Variants in KITLG observed in about 807,000 individuals in gnomAD.
KITLG encodes the protein KIT ligand.
Under a neutral mutation model 34.1 loss-of-function variants are expected in KITLG, and 13 were observed. The observed-to-expected ratio is 0.38, with a 90% CI of 0.25 to 0.61. The LOEUF (loss-of-function observed/expected upper bound fraction) is 0.61. KITLG is among the 20% of genes least tolerant of loss of function. The probability of loss-of-function intolerance (pLI) is 0.60; values close to 1 mark genes in which losing one functional copy is unlikely to be tolerated. For missense variants in KITLG, 292 were observed against 318.9 expected (o/e 0.92, Z 0.64); for synonymous variants, 110 against 104.0 (o/e 1.06, Z -0.35).
chr12:88,555,005 G>A (rs1224585739), intron 1 of KITLG, among the ~76,000 whole-genome samples: 1 of 152,170 alleles, frequency 6.6e-6, no homozygotes, highest in Admixed American at 6.5e-5. Flanking sequence ...TCCCTTTTGT[G>A]AAGAAGTAAG....
chr12:88,510,929 T>A (rs1869253798), intron 6 of KITLG, among the ~76,000 whole-genome samples: 1 of 152,228 alleles, frequency 6.6e-6, no homozygotes, highest in South Asian at 2.1e-4. Context: ...TATACTGTAC[T>A]ATGAGTATTT....
chr12:88,518,183 C>G (rs1467444318), intron 4 of KITLG, among the ~76,000 whole-genome samples: 1 of 152,066 alleles, frequency 6.6e-6, no homozygotes, highest in Non-Finnish European at 1.5e-5. Flanking sequence ...AATTTAAACT[C>G]CAATATCTCA....
intron 7 of KITLG, 42 bp from the exon 8 acceptor site, chr12:88,506,420 A>G (rs764391760): frequency 1.5e-6 from 2 of 1,361,070 alleles, no homozygotes; most frequent in Admixed American, 1.7e-5. Context: ...ATAATCAATG[A>G]ATGGTCTAAT....
At chr12:88,520,437 T>C (rs759506802) in intron 3 of KITLG, among the ~76,000 whole-genome samples, 3 of 152,208 alleles carry the variant, frequency 2.0e-5, no homozygotes, top group Non-Finnish European at 4.4e-5. Context: ...AAATTGCTAT[T>C]TGAATAGTAT....
chr12:88,494,756 C>A lies in KITLG; in HGVS notation c.*2463G>T, dbSNP rs41306942. 3 of 152,282 alleles carry A rather than the reference C, an allele frequency of 2.0e-5. No individual in the cohort carries two copies. Among genetic ancestry groups the A allele is most frequent in the Admixed American group, 1.3e-4 (2 of 15,226 alleles). 9.4% of individuals were successfully genotyped at this position (152,282 alleles called of 1,614,324 possible). ...TCATTTTAAAAGGTAATTTTGAAAC[C>A]TTCCAAGATGGAACTGTCAGATACA... is the stretch of plus-strand genomic sequence containing the variant. On this transcript the variant is annotated 3_prime_UTR_variant, in exon 10 of 10. Coordinates refer to ENST00000644744, the MANE Select transcript of KITLG (RefSeq NM_000899.5).
In KITLG at chr12:88,506,234, A is replaced by T; in HGVS notation, c.782+77T>A. On this transcript the variant is annotated intron_variant, in intron 8 of 9. Coordinates refer to ENST00000644744, the MANE Select transcript of KITLG (RefSeq NM_000899.5). Reference sequence around the variant, plus strand: ...GTCATGAGTGAAGGACTTCTTAAAGACATTATGGGCAGGTACACAGTGTGT... The same window carrying T: ...GTCATGAGTGAAGGACTTCTTAAAGTCATTATGGGCAGGTACACAGTGTGT... The T allele has an allele frequency of 3.1e-6, 3 of 980,838 alleles. No homozygotes were observed. In the South Asian group the frequency reaches 3.8e-5, roughly 13 times the overall value. 60.8% of individuals were successfully genotyped at this position (980,838 alleles called of 1,614,324 possible).
intron 2 of KITLG, among the ~76,000 whole-genome samples, chr12:88,545,464 G>A (rs1046494704): frequency 2.0e-5 from 3 of 152,174 alleles, no homozygotes; most frequent in East Asian, 1.9e-4. Context: ...AGCACACAGC[G>A]AACTCTCCAA....
chr12:88,498,447 A>G (rs925533558), intron 9 of KITLG, among the ~76,000 whole-genome samples: 2 of 152,224 alleles, frequency 1.3e-5, no homozygotes, highest in African/African-American at 4.8e-5. Flanking sequence ...AGATACTAAG[A>G]TAAAACTTCA....
At chr12:88,555,036 G>A (rs1289040761) in intron 1 of KITLG, among the ~76,000 whole-genome samples, 1 of 151,924 alleles carries the variant, frequency 6.6e-6, no homozygotes, top group Admixed American at 6.6e-5. Flanking sequence ...TTTAAAATAT[G>A]GGTGATCATT....
intron 2 of KITLG, among the ~76,000 whole-genome samples, chr12:88,540,893 A>G (rs1006695786): frequency 6.6e-6 from 1 of 152,164 alleles, no homozygotes; most frequent in Non-Finnish European, 1.5e-5. Flanking sequence ...ATTGCAACCT[A>G]ATAAAATAAA....
At chr12:88,521,822 C>T (rs927792353) in intron 3 of KITLG, among the ~76,000 whole-genome samples, 3 of 152,096 alleles carry the variant, frequency 2.0e-5, no homozygotes, top group Non-Finnish European at 2.9e-5. Context: ...TTCTTGATAG[C>T]TTCTGTCTTA....
intron 1 of KITLG, among the ~76,000 whole-genome samples, chr12:88,569,185 C>A (rs1871559065): frequency 2.0e-5 from 3 of 152,162 alleles, no homozygotes; most frequent in African/African-American, 7.2e-5. Context: ...AGCTCTGAAT[C>A]CGAATCTGTT....
At chr12:88,538,765 C>CA (rs1055550530) in intron 2 of KITLG, among the ~76,000 whole-genome samples, 17 of 150,592 alleles carry the variant, frequency 1.1e-4, no homozygotes, top group African/African-American at 3.2e-4. Context: ...AAATTCATGG[C>CA]AAAAAAAAAT....
intron 3 of KITLG, among the ~76,000 whole-genome samples, chr12:88,525,086 C>G (rs1171392606): frequency 6.6e-6 from 1 of 152,138 alleles, no homozygotes; most frequent in Non-Finnish European, 1.5e-5. Flanking sequence ...CTGAATAGGG[C>G]TGAAATTGAA....
At chr12:88,558,327 C>T (rs764125935) in intron 1 of KITLG, among the ~76,000 whole-genome samples, 3 of 152,096 alleles carry the variant, frequency 2.0e-5, no homozygotes, top group Non-Finnish European at 2.9e-5. Flanking sequence ...CCTCACGACC[C>T]GCCACCCACC....
chr12:88,510,896 T>C (rs1220131390), intron 6 of KITLG, among the ~76,000 whole-genome samples: 2 of 152,210 alleles, frequency 1.3e-5, no homozygotes, highest in African/African-American at 4.8e-5. Context: ...AACATTTGCA[T>C]AATTCTATTA....
intron 1 of KITLG, among the ~76,000 whole-genome samples, chr12:88,560,967 C>CAAAAA (rs34851499): frequency 7.6e-4 from 44 of 58,050 alleles, no homozygotes; most frequent in African/African-American, 1.9e-3. Flanking sequence ...GACTCTGTCT[C>CAAAAA]AAAAAAAAAA....
intron 1 of KITLG, among the ~76,000 whole-genome samples, chr12:88,558,874 A>G (rs982289975): frequency 2.0e-5 from 3 of 152,208 alleles, no homozygotes; most frequent in Non-Finnish European, 4.4e-5. Context: ...AAGATATACA[A>G]CGTTGTATTT....
chr12:88,563,525 C>T (rs1295779720), intron 1 of KITLG, among the ~76,000 whole-genome samples: 1 of 152,214 alleles, frequency 6.6e-6, no homozygotes, highest in Non-Finnish European at 1.5e-5. Flanking sequence ...AAATAGGCTG[C>T]ATCATCACAT....
Sources: allele counts gnomAD v4.1 joint callset (sites outside exome capture counted in the v4.1 genomes callset), GRCh38; gene constraint gnomAD v4.1.1; transcripts MANE v1.5; gene names NCBI Gene and HGNC (gene_info 2026-07-23, HGNC 2026-07-21).